Variants in SV2B observed in about 807,000 individuals in gnomAD.
SV2B encodes synaptic vesicle glycoprotein 2B, also known as solute carrier family 22 member B2.
In SV2B, 41 loss-of-function variants were observed where a neutral mutation model predicts 73.9. The observed-to-expected ratio is 0.56, with a 90% CI of 0.43 to 0.72. SV2B has a LOEUF of 0.72. Ranked by LOEUF, SV2B falls within the 30% of genes least tolerant of loss-of-function variation. The pLI is 0.00. For missense variants in SV2B, 764 were observed against 857.8 expected, an observed-to-expected ratio of 0.89 and a Z score of 1.37; for synonymous variants, 314 against 314.2, an observed-to-expected ratio of 1.00 and a Z score of 0.01.
intron 2 of SV2B, among the ~76,000 whole-genome samples, chr15:91,247,393 C>T (rs1212052056): frequency 6.6e-6 from 1 of 152,168 alleles, no homozygotes; most frequent in Non-Finnish European, 1.5e-5. Flanking sequence ...CAAATCATAC[C>T]AGTTACTTGA....
At chr15:91,107,635 G>A (rs1038203144) in intron 1 of SV2B, among the ~76,000 whole-genome samples, 3 of 151,514 alleles carry the variant, frequency 2.0e-5, no homozygotes, top group Admixed American at 6.6e-5. Context: ...TTTGAGACAG[G>A]GTCTCACTCT....
At chr15:91,208,786 C>A (rs536037760) in intron 1 of SV2B, among the ~76,000 whole-genome samples, 2 of 152,322 alleles carry the variant, frequency 1.3e-5, no homozygotes, top group Non-Finnish European at 2.9e-5. Context: ...TGTCACCCAG[C>A]TGGGTGGCTC....
rs2042694367 is a variant in SV2B at position 91,132,771 on chromosome 15, T to C, written c.-392+32408T>C. Among the ~76,000 whole-genome samples the C allele has an allele frequency of 6.6e-6, 1 of 152,056 alleles. No homozygotes were observed. The highest frequency in any genetic ancestry group is 2.4e-5 in the African/African-American group (1 of 41,386). ...GGGAGGATCCGTTGAGCCCAGGAGT[T>C]TGAGGCTGCAGTGAGCTATAGTCGC... On this transcript the variant is annotated intron_variant, in intron 1 of 12. Coordinates refer to ENST00000394232, the MANE Select transcript of SV2B (RefSeq NM_001323032.3). This position sits in a 1 kb window ranked among gnomAD's most constrained non-coding sequence, Gnocchi z 4.6.
intron 1 of SV2B, among the ~76,000 whole-genome samples, chr15:91,119,127 G>A (rs984302523): frequency 2.6e-5 from 4 of 152,208 alleles, no homozygotes; most frequent in African/African-American, 9.6e-5. Context: ...AATGCTGGCA[G>A]GGAGCATATC....
In SV2B at chr15:91,258,466, G is replaced by C. The variant is rs529483891; in HGVS notation, c.830G>C (p.Arg277Thr). The change falls in exon 5 of 13, where the codon AGA (arginine) becomes ACA (threonine). Residue 277 changes from arginine to threonine, a missense_variant. Arg to Thr is a moderately conservative substitution (Grantham distance 71). Transcript: ENST00000394232. This position sits in a 1 kb window ranked among gnomAD's most constrained non-coding sequence, Gnocchi z 4.7. ...ACCAATTACCACTTCCATAGCTGGA[G>C]AGTGTTTGTCATCGTCTGTGCTCTG... ...MGTNYHFHSW[R>T]VFVIVCALPC... 2 of 1,614,052 alleles carry C rather than the reference G, an allele frequency of 1.2e-6. No homozygotes were observed. The highest frequency in any genetic ancestry group is 8.5e-7 in the Non-Finnish European group (1 of 1,180,022).
At chr15:91,287,995 G>C (rs959730052) in intron 11 of SV2B, among the ~76,000 whole-genome samples, 1 of 152,162 alleles carries the variant, frequency 6.6e-6, no homozygotes, top group Non-Finnish European at 1.5e-5. Context: ...TTCTACCCCC[G>C]GGGAGGAGTT....
rs2049471324 is a variant in SV2B at position 91,302,451 on chromosome 15, G to T, written c.*9899G>T. Among the ~76,000 whole-genome samples, 1 of 151,984 alleles carries T rather than the reference G, an allele frequency of 6.6e-6. No homozygotes were observed. The highest frequency in any genetic ancestry group is 1.5e-5 in the Non-Finnish European group (1 of 67,992). On this transcript the variant is annotated 3_prime_UTR_variant, in exon 13 of 13. Transcript: ENST00000394232. Reference sequence around the variant, plus strand: ...TGAGGGTGGTGGCCTTTTGCTAACTGGTATGGAAGCATTTCGGTATTTTAA... The same window carrying T: ...TGAGGGTGGTGGCCTTTTGCTAACTTGTATGGAAGCATTTCGGTATTTTAA...
rs537240438 is a variant in SV2B, at chr15:91,269,884, A to G, written c.1373+1279A>G. 4.6e-5 allele frequency among the ~76,000 whole-genome samples: 7 copies of G among 152,294 alleles called. No individual in the cohort carries two copies. The South Asian group carries it at 1.5e-3, about 32-fold the overall frequency. The stretch of plus-strand genomic sequence containing the variant: ...GTTGCAGACATCTCCATACTCATAT[A>G]CCCATGCATCTATACATCCCCTACA... On this transcript the variant is annotated intron_variant, in intron 9 of 12. Coordinates refer to ENST00000394232, the MANE Select transcript of SV2B (RefSeq NM_001323032.3).
In SV2B at chr15:91,110,496, T is replaced by G. The variant is rs1219683607; in HGVS notation, c.-392+10133T>G. 2.0e-5 allele frequency among the ~76,000 whole-genome samples: 3 copies of G among 152,316 alleles called. No individual in the cohort carries two copies. The East Asian group carries it at 5.8e-4, about 29-fold the overall frequency. On this transcript the variant is annotated intron_variant, in intron 1 of 12. Transcript: ENST00000394232. This position sits in a 1 kb window ranked among gnomAD's most constrained non-coding sequence, Gnocchi z 5.4. ...CCTGGCTCCCAGAGCCCAGGCCCAG[T>G]GAGGGTGGCTCCTGTGTTGCCTGCC...
In SV2B at chr15:91,265,561, T is replaced by A. The variant is rs1037835932; in HGVS notation, c.1009-1021T>A. On this transcript the variant is annotated intron_variant, in intron 6 of 12. Transcript: ENST00000394232. The surrounding 1 kb of genome is among the most constrained non-coding windows in gnomAD (Gnocchi z 4.2). ...GTTTTTAAGGTGCTTCCTGAGTTGA[T>A]GTTAACTTCCCCTGTAGCCTCCTTT... 6.6e-6 allele frequency among the ~76,000 whole-genome samples: 1 copy of A among 152,206 alleles called. No individual in the cohort carries two copies. Among genetic ancestry groups the A allele is most frequent in the African/African-American group, 2.4e-5 (1 of 41,448 alleles).
chr15:91,123,723 C>T lies in SV2B; in HGVS notation c.-392+23360C>T, dbSNP rs754237450. ...GCGGTAGAGTTGTGATGCAGGTCTT[C>T]GGACTCCTCATGCACTACTCCTTTC... On this transcript the variant is annotated intron_variant, in intron 1 of 12. Transcript: ENST00000394232. The surrounding 1 kb of genome is among the most constrained non-coding windows in gnomAD (Gnocchi z 4.7). Among the ~76,000 whole-genome samples the T allele has an allele frequency of 1.3e-5, 2 of 152,132 alleles. No individual in the cohort carries two copies. Among genetic ancestry groups the T allele is most frequent in the Non-Finnish European group, 2.9e-5 (2 of 68,032 alleles).
intron 1 of SV2B, among the ~76,000 whole-genome samples, chr15:91,169,374 T>A (rs1180924705): frequency 6.6e-6 from 1 of 152,192 alleles, no homozygotes; most frequent in Non-Finnish European, 1.5e-5. Context: ...CTGCAGTAGA[T>A]GCTCAGTAAA....
intron 1 of SV2B, among the ~76,000 whole-genome samples, chr15:91,163,363 A>G (rs147269904): frequency 0.12 from 17,805 of 152,220 alleles, 1,354 homozygotes; most frequent in South Asian, 0.22. Context: ...TGGTTGAACT[A>G]GTTTACAGTC....
intron 1 of SV2B, among the ~76,000 whole-genome samples, chr15:91,102,938 G>C (rs1204319595): frequency 6.6e-6 from 1 of 152,194 alleles, no homozygotes; most frequent in African/African-American, 2.4e-5. Flanking sequence ...TAGGAGAGAG[G>C]TGTGTTCCCA....
chr15:91,119,898 T>C (rs898622672), intron 1 of SV2B, among the ~76,000 whole-genome samples: 2 of 152,270 alleles, frequency 1.3e-5, no homozygotes, highest in African/African-American at 4.8e-5. Flanking sequence ...TGTTTTTCCA[T>C]GCTGTATGTC....
chr15:91,151,826 G>A (rs987762421), intron 1 of SV2B, among the ~76,000 whole-genome samples: 12 of 152,070 alleles, frequency 7.9e-5, no homozygotes, highest in African/African-American at 2.7e-4. Context: ...AGAGTGAGAT[G>A]GTTCATTCCT....
rs2045282006 is a variant in SV2B, at chr15:91,197,248, G to A, written c.-391-28625G>A. ...TTTGTTTTGTTTTGTTTTGTTTTGA[G>A]ACAGAGTTTCATTCTCGTTGCCCAG... On this transcript the variant is annotated intron_variant, in intron 1 of 12. Transcript: ENST00000394232. The surrounding 1 kb of genome is among the most constrained non-coding windows in gnomAD (Gnocchi z 4.9). Among the ~76,000 whole-genome samples, 1 of 146,946 alleles carries A rather than the reference G, an allele frequency of 6.8e-6. No individual in the cohort carries two copies. Among genetic ancestry groups the A allele is most frequent in the African/African-American group, 2.7e-5 (1 of 36,796 alleles).
intron 2 of SV2B, among the ~76,000 whole-genome samples, chr15:91,238,865 C>A (rs62026592): frequency 1.3e-5 from 2 of 152,040 alleles, no homozygotes; most frequent in Admixed American, 1.3e-4. Context: ...TCCCGCATCC[C>A]TTCCGCCAGC....
At position 91,226,107 on chromosome 15, in the gene SV2B, G is replaced by C. The variant is rs555230252; in HGVS notation, c.-157G>C. On this transcript the variant is annotated 5_prime_UTR_variant, in exon 2 of 13. Coordinates refer to ENST00000394232, the MANE Select transcript of SV2B (RefSeq NM_001323032.3). Reference sequence around the variant, plus strand: ...AATCTGGTTGATTTGAGAGATAAAGGGGGGGGGAACCAGTGTGACTTTCAC... The same window carrying C: ...AATCTGGTTGATTTGAGAGATAAAGCGGGGGGGAACCAGTGTGACTTTCAC... The C allele has an allele frequency of 7.5e-5, 52 of 694,384 alleles. No homozygotes were observed. Among genetic ancestry groups the C allele is most frequent in the African/African-American group, 4.2e-4 (23 of 55,414 alleles). 43.0% of individuals were successfully genotyped at this position (694,384 alleles called of 1,614,324 possible). A position where few individuals can be genotyped will look rare whatever the true frequency, so the allele number is the denominator to read the frequency against.
Sources: allele counts gnomAD v4.1 joint callset (sites outside exome capture counted in the v4.1 genomes callset), GRCh38; gene constraint gnomAD v4.1.1; non-coding constraint Gnocchi (gnomAD v3.1); transcripts MANE v1.5; gene names NCBI Gene and HGNC (gene_info 2026-07-23, HGNC 2026-07-21).